Variants in ACSM3 observed in about 807,000 individuals in gnomAD.
The protein encoded by ACSM3 is acyl-CoA synthetase medium chain family member 3.
A neutral mutation model predicts 74.1 loss-of-function variants in ACSM3; 61 were observed. The observed-to-expected ratio is 0.82, with a 90% CI of 0.67 to 1.02. The LOEUF (loss-of-function observed/expected upper bound fraction) is 1.02. Among genes scored for constraint, ACSM3 ranks in the 50% least tolerant of loss-of-function variants. The pLI, the probability that ACSM3 is intolerant of heterozygous loss-of-function variation, is 0.00. For missense variants in ACSM3, 660 were observed against 697.0 expected, an observed-to-expected ratio of 0.95 and a Z score of 0.60; for synonymous variants, 213 against 241.5, an observed-to-expected ratio of 0.88 and a Z score of 1.09.
chr16:20,755,542 C>T (rs1014901192), intron 2 of ACSM3: 2 of 151,776 alleles, frequency 1.3e-5, no homozygotes, highest in Non-Finnish European at 2.9e-5. Flanking sequence ...TGGTATGATA[C>T]TATAAAATAT....
chr16:20,684,122 T>C (rs1436105606), intron 1 of ACSM3, among the ~76,000 whole-genome samples: 3 of 152,082 alleles, frequency 2.0e-5, no homozygotes, highest in African/African-American at 7.2e-5. Context: ...CTAATCTATA[T>C]AGACAAAAAA....
chr16:20,679,430 AGAGG>A (rs1237445647), intron 1 of ACSM3: 3 of 152,260 alleles, frequency 2.0e-5, no homozygotes, highest in Non-Finnish European at 2.9e-5. Context: ...GCCGAAGCTA[AGAGG>A]ACCATCTCTA....
At chr16:20,786,309 T>A in intron 9 of ACSM3, 151 bp downstream of exon 9, 1 of 1,369,582 alleles carries the variant, frequency 7.3e-7, no homozygotes, top group Non-Finnish European at 9.6e-7. Flanking sequence ...TGAAAATGAT[T>A]AGAAATGTTA....
At chr16:20,787,564 T>C (rs1370757706) in intron 9 of ACSM3, among the ~76,000 whole-genome samples, 6 of 152,220 alleles carry the variant, frequency 3.9e-5, no homozygotes, top group Non-Finnish European at 8.8e-5. Flanking sequence ...TGAAATCTTG[T>C]GATTTTAACA....
At chr16:20,674,783 G>C (rs960123613) in exon 1 of ACSM3, 6 of 152,306 alleles carry the variant, frequency 3.9e-5, no homozygotes, top group African/African-American at 1.4e-4. Context: ...CTGAACCTGA[G>C]ATGGGGCTGC....
intron 1 of ACSM3, among the ~76,000 whole-genome samples, chr16:20,739,511 A>G (rs540527661): frequency 6.6e-6 from 1 of 152,188 alleles, no homozygotes; most frequent in South Asian, 2.1e-4. Flanking sequence ...CGAAGCTGGG[A>G]CACCACACCC....
At chr16:20,677,155 A>G (rs149557791) in intron 1 of ACSM3, among the ~76,000 whole-genome samples, 1,958 of 152,070 alleles carry the variant, frequency 0.013, 46 homozygotes, top group African/African-American at 0.045. Context: ...GCTTATGGCT[A>G]AGCCACAAAG....
intron 1 of ACSM3, among the ~76,000 whole-genome samples, chr16:20,692,930 G>C (rs1567316637): frequency 6.6e-6 from 1 of 152,084 alleles, no homozygotes; most frequent in Non-Finnish European, 1.5e-5. Context: ...CAGCCCTTTG[G>C]GAGGCTGAGG....
intron 7 of ACSM3, among the ~76,000 whole-genome samples, chr16:20,782,426 C>T (rs2080372841): frequency 6.6e-6 from 1 of 152,120 alleles, no homozygotes; most frequent in Non-Finnish European, 1.5e-5. Flanking sequence ...CCCCAAAGTC[C>T]ATTATATCAT....
chr16:20,699,188 G>A (rs1476970544), intron 1 of ACSM3, among the ~76,000 whole-genome samples: 1 of 152,176 alleles, frequency 6.6e-6, no homozygotes, highest in Admixed American at 6.5e-5. Context: ...GTGACACCAA[G>A]CCTGTAAAGC....
intron 3 of ACSM3, among the ~76,000 whole-genome samples, chr16:20,758,419 C>A (rs1223965085): frequency 6.6e-6 from 1 of 152,068 alleles, no homozygotes; most frequent in Admixed American, 6.6e-5. Context: ...AGTTTATTTG[C>A]GTAGAGGTGT....
At position 20,777,478 on chromosome 16, in the gene ACSM3, C is replaced by T; in HGVS notation, c.536C>T (p.Pro179Leu). 2.5e-6 allele frequency: 4 copies of T among 1,614,040 alleles called. No homozygotes were observed. Among genetic ancestry groups the T allele is most frequent in the Non-Finnish European group, 3.4e-6 (4 of 1,179,986 alleles). The change falls in exon 4 of 14, where the codon CCA (proline) becomes CTA (leucine). Residue 179 changes from proline to leucine, a missense_variant. Physicochemically the swap from Pro to Leu is moderately conservative, Grantham distance 98. Coordinates refer to ENST00000289416, the MANE Select transcript of ACSM3 (RefSeq NM_005622.4). ...NCIITNDVLAPAVDAVASKCE... is the reference protein window; with the variant it reads ...NCIITNDVLALAVDAVASKCE... ...ATTATCACCAATGATGTTTTAGCCC[C>T]AGCAGTAGACGCTGTTGCATCCAAA...
At chr16:20,782,622 A>G (rs1418073281) in intron 7 of ACSM3, among the ~76,000 whole-genome samples, 3 of 152,196 alleles carry the variant, frequency 2.0e-5, no homozygotes, top group Non-Finnish European at 4.4e-5. Context: ...AGGCAGCATC[A>G]TATCCCACAG....
intron 1 of ACSM3, among the ~76,000 whole-genome samples, chr16:20,748,102 A>T (rs538336699): frequency 2.6e-5 from 4 of 152,176 alleles, no homozygotes; most frequent in Admixed American, 2.0e-4. Flanking sequence ...TGACCACTGT[A>T]CTCCAGCCTG....
chr16:20,680,446 T>C (rs2079417414), intron 1 of ACSM3: 1 of 152,238 alleles, frequency 6.6e-6, no homozygotes, highest in Non-Finnish European at 1.5e-5. Flanking sequence ...CTTAGGAATT[T>C]CCTCATGCTA....
At chr16:20,735,524 G>A (rs777015560) in intron 1 of ACSM3, 1 of 151,142 alleles carries the variant, frequency 6.6e-6, no homozygotes, top group Non-Finnish European at 1.5e-5. Context: ...GTCAACATCA[G>A]GATTTCTTTT....
chr16:20,727,370 C>G, intron 1 of ACSM3: 1 of 589,322 alleles, frequency 1.7e-6, no homozygotes. Context: ...TGCGGCACTG[C>G]TTGACAGGAG....
intron 12 of ACSM3, among the ~76,000 whole-genome samples, chr16:20,794,915 A>C (rs931106738): frequency 6.6e-5 from 10 of 152,190 alleles, no homozygotes; most frequent in African/African-American, 2.4e-4. Context: ...GTAGTTTAAA[A>C]AGATAAAAGA....
chr16:20,789,579 G>A (rs759624853), intron 9 of ACSM3: 4 of 1,514,966 alleles, frequency 2.6e-6, no homozygotes, highest in South Asian at 1.1e-5. Flanking sequence ...TTGAAAACCA[G>A]TAATGAAGAT....
Sources: gnomAD v4.1 joint callset for allele counts (sites outside exome capture counted in the v4.1 genomes callset) on GRCh38, gnomAD v4.1.1 for gene constraint, MANE v1.5 for transcripts, NCBI Gene and HGNC (gene_info 2026-07-23, HGNC 2026-07-21) for gene names.